The following TAF4B variants were observed in gnomAD, a reference collection of about 807,000 sequenced individuals.
TAF4B encodes the protein TATA-box binding protein associated factor 4b, also known as transcription initiation factor TFIID subunit 4B.
Under a neutral mutation model 86.4 loss-of-function variants are expected in TAF4B, and 38 were observed. That is an observed-to-expected ratio of 0.44 (90% CI 0.34 to 0.58). TAF4B has a LOEUF of 0.58. Ranked by LOEUF, TAF4B falls within the 20% of genes least tolerant of loss-of-function variation. The pLI, the probability that TAF4B is intolerant of heterozygous loss-of-function variation, is 0.02. For synonymous variants in TAF4B, 388 were observed against 391.2 expected, an observed-to-expected ratio of 0.99 and a Z score of 0.10; for missense variants, 988 against 1,027.6, an observed-to-expected ratio of 0.96 and a Z score of 0.53.
intron 1 of TAF4B, among the ~76,000 whole-genome samples, chr18:26,233,207 G>A (rs962394659): frequency 3.9e-5 from 6 of 152,202 alleles, no homozygotes; most frequent in African/African-American, 1.2e-4. Context: ...TCTGGTGAGC[G>A]GCTGGGAAGG....
intron 14 of TAF4B, among the ~76,000 whole-genome samples, chr18:26,380,733 T>C (rs1001762844): frequency 1.3e-5 from 2 of 152,212 alleles, no homozygotes; most frequent in Non-Finnish European, 2.9e-5. Context: ...TTTGGTTTAC[T>C]TCCACCTTAT....
intron 14 of TAF4B, among the ~76,000 whole-genome samples, chr18:26,383,090 CAAG>C (rs909787249): frequency 3.3e-5 from 5 of 151,998 alleles, no homozygotes; most frequent in African/African-American, 1.2e-4. Flanking sequence ...TAGTTTGAGA[CAAG>C]AAGAAAGGAA....
At chr18:26,293,401 A>G (rs769122633) in intron 8 of TAF4B, 25 bp from the exon 9 acceptor site, 23 of 1,528,616 alleles carry the variant, frequency 1.5e-5, no homozygotes, top group Non-Finnish European at 2.0e-5. Flanking sequence ...TTTGTATTCT[A>G]TTTTTTCTTG....
chr18:26,294,640 ATATG>A (rs1027488710), intron 9 of TAF4B, among the ~76,000 whole-genome samples: 15 of 134,578 alleles, frequency 1.1e-4, no homozygotes, highest in Non-Finnish European at 2.0e-4. Flanking sequence ...ATTTGTATAT[ATATG>A]TATCATACAT....
intron 13 of TAF4B, among the ~76,000 whole-genome samples, chr18:26,341,967 TTTAAG>T (rs898919636): frequency 6.6e-6 from 1 of 152,184 alleles, no homozygotes; most frequent in Non-Finnish European, 1.5e-5. Context: ...AACTTGATCT[TTTAAG>T]TAATGATTCA....
intron 12 of TAF4B, among the ~76,000 whole-genome samples, chr18:26,334,842 ACT>A (rs373151624): frequency 1.4e-4 from 22 of 152,210 alleles, no homozygotes; most frequent in African/African-American, 4.8e-4. Context: ...ACCAACAATT[ACT>A]CTTTTTTTCT....
At position 26,268,975 on chromosome 18, in the gene TAF4B, A is replaced by G. The variant is rs565123875; in HGVS notation, c.597+1352A>G. 4.6e-5 allele frequency among the ~76,000 whole-genome samples: 7 copies of G among 152,168 alleles called. No homozygotes were observed. The South Asian group carries it at 1.2e-3, about 27-fold the overall frequency. ...GTAGCTGGGATTACAGGTGTGTGCC[A>G]CCATGCCCAGCTGATTTTTTGTATT... is the stretch of plus-strand genomic sequence containing the variant. On this transcript the variant is annotated intron_variant, in intron 3 of 14. Transcript: ENST00000269142.
chr18:26,382,648 A>G (rs1022270483), intron 14 of TAF4B, among the ~76,000 whole-genome samples: 4 of 152,066 alleles, frequency 2.6e-5, no homozygotes, highest in African/African-American at 9.7e-5. Flanking sequence ...CTTGAATTAG[A>G]AGGTCCAAAG....
intron 13 of TAF4B, among the ~76,000 whole-genome samples, chr18:26,341,021 G>A (rs1207131262): frequency 6.6e-6 from 1 of 151,928 alleles, no homozygotes; most frequent in South Asian, 2.1e-4. Context: ...AGAAGATTGC[G>A]TGCATACTTT....
intron 1 of TAF4B, among the ~76,000 whole-genome samples, chr18:26,240,297 C>T (rs1165072128): frequency 6.6e-6 from 1 of 152,190 alleles, no homozygotes; most frequent in Non-Finnish European, 1.5e-5. Flanking sequence ...AGAGGTCCTT[C>T]ACGTCCCTTG....
At chr18:26,346,863 A>G (rs867099703) in intron 13 of TAF4B, among the ~76,000 whole-genome samples, 2,921 of 10,050 alleles carry the variant, frequency 0.29, 935 homozygotes, top group East Asian at 0.49. Flanking sequence ...ATATATGTGT[A>G]TATATATATA....
At chr18:26,367,748 CTTGT>C (rs1182545381) in intron 14 of TAF4B, among the ~76,000 whole-genome samples, 5 of 152,128 alleles carry the variant, frequency 3.3e-5, no homozygotes, top group Non-Finnish European at 5.9e-5. Context: ...AATATTTTCA[CTTGT>C]TTGTTATAAA....
chr18:26,344,379 G>A (rs1310009148), intron 13 of TAF4B, among the ~76,000 whole-genome samples: 1 of 148,182 alleles, frequency 6.7e-6, no homozygotes. Flanking sequence ...TAAAAAAAAA[G>A]GGAAAAAAAC....
chr18:26,227,330 G>A (rs542269651), intron 1 of TAF4B, 54 bp downstream of exon 1: 43 of 1,548,272 alleles, frequency 2.8e-5, no homozygotes, highest in Non-Finnish European at 3.8e-5. Context: ...GCGGCGACGG[G>A]AAAATTCGCA....
chr18:26,302,371 A>ATTTTTTTTTT (rs66683595), intron 9 of TAF4B, among the ~76,000 whole-genome samples: 26 of 93,066 alleles, frequency 2.8e-4, no homozygotes, highest in Admixed American at 8.4e-4. Flanking sequence ...TTCATATTAA[A>ATTTTTTTTTT]TTTTTTTTTT....
chr18:26,290,790 C>G (rs2056581981), intron 7 of TAF4B, among the ~76,000 whole-genome samples: 1 of 152,022 alleles, frequency 6.6e-6, no homozygotes, highest in South Asian at 2.1e-4. Flanking sequence ...GACAGGAATA[C>G]CTAATAAGGA....
At chr18:26,283,154 G>T (rs1392897895) in intron 6 of TAF4B, among the ~76,000 whole-genome samples, 2 of 152,082 alleles carry the variant, frequency 1.3e-5, no homozygotes, top group Non-Finnish European at 2.9e-5. Flanking sequence ...TATACTTAAT[G>T]GCATCTAGAA....
intron 9 of TAF4B, among the ~76,000 whole-genome samples, chr18:26,306,317 A>AT (rs1471502291): frequency 2.0e-5 from 3 of 152,236 alleles, no homozygotes; most frequent in African/African-American, 7.2e-5. Context: ...GGTCTTTCAT[A>AT]TATCAAATCT....
chr18:26,315,161 T>TCTCTCTCTCTCTCCCTCTCTCA (rs1282068871), intron 9 of TAF4B, 68 bp from the exon 10 acceptor site: 1 of 210,592 alleles, frequency 4.7e-6, no homozygotes, highest in African/African-American at 3.8e-5. Context: ...TCTCTCTCTC[T>TCTCTCTCTCTCTCCCTCTCTCA]CACACACACA....
Sources: gnomAD v4.1 joint callset for allele counts (sites outside exome capture counted in the v4.1 genomes callset) on GRCh38, gnomAD v4.1.1 for gene constraint, MANE v1.5 for transcripts, NCBI Gene and HGNC (gene_info 2026-07-23, HGNC 2026-07-21) for gene names.